TMEM132D: variants seen among roughly 807,000 people sequenced by gnomAD.
TMEM132D encodes transmembrane protein 132D, also known as mature OL transmembrane protein.
Under a neutral mutation model 62.3 loss-of-function variants are expected in TMEM132D, and 21 were observed. The observed-to-expected ratio is 0.34, with a 90% confidence interval of 0.24 to 0.49. TMEM132D has a LOEUF of 0.49. Among genes scored for constraint, TMEM132D ranks in the 20% least tolerant of loss-of-function variants. TMEM132D has a pLI of 0.99. For synonymous variants in TMEM132D, 621 were observed against 575.6 expected, an observed-to-expected ratio of 1.08 and a Z score of -1.13; for missense variants, 1,346 against 1,402.8, an observed-to-expected ratio of 0.96 and a Z score of 0.65.
At chr12:129,130,027 G>C (rs11612492) in intron 5 of TMEM132D, among the ~76,000 whole-genome samples, 5 of 110,846 alleles carry the variant, frequency 4.5e-5, no homozygotes, top group Non-Finnish European at 8.6e-5. Context: ...GTGTGTGTGT[G>C]TGTGTGTGTG....
chr12:129,665,693 T>TCACCTTTTTCTAC (rs1339232286), intron 2 of TMEM132D, among the ~76,000 whole-genome samples: 1 of 152,186 alleles, frequency 6.6e-6, no homozygotes, highest in African/African-American at 2.4e-5. Flanking sequence ...ACTTGCTATG[T>TCACCTTTTTCTAC]CACCTTTTTC....
chr12:129,520,346 A>G (rs532131464), intron 3 of TMEM132D, among the ~76,000 whole-genome samples: 9 of 152,312 alleles, frequency 5.9e-5, no homozygotes, highest in African/African-American at 2.2e-4. Flanking sequence ...CCTCCCAACT[A>G]TCTGTTCTAA....
chr12:129,429,754 GC>G (rs1872601807), intron 3 of TMEM132D, among the ~76,000 whole-genome samples: 1 of 124,830 alleles, frequency 8.0e-6, no homozygotes. Flanking sequence ...CCCACAACAG[GC>G]CCCGGTGTGT....
At chr12:129,336,447 G>C (rs990496266) in intron 4 of TMEM132D, among the ~76,000 whole-genome samples, 1 of 151,972 alleles carries the variant, frequency 6.6e-6, no homozygotes, top group Non-Finnish European at 1.5e-5. Context: ...ATGGTGGTGG[G>C]CACCTGTAAT....
At position 129,739,719 on chromosome 12, in the gene TMEM132D, C is replaced by G. The variant is rs188483450; in HGVS notation, c.80-39021G>C. Among the ~76,000 whole-genome samples the G allele has an allele frequency of 2.3e-3, 353 of 152,280 alleles. 1 individual carries two copies. The highest frequency in any genetic ancestry group is 7.2e-3 in the African/African-American group (301 of 41,560). On this transcript the variant is annotated intron_variant, in intron 1 of 8. Transcript: ENST00000422113. ...GTCCCCATGGACTGCACCAACTGGG[C>G]TTCCTCATCCTCTGGCTTCTGGCTG...
intron 4 of TMEM132D, among the ~76,000 whole-genome samples, chr12:129,302,110 CACTTTATTTTTTT>C (rs1257093524): frequency 1.3e-5 from 2 of 152,132 alleles, no homozygotes; most frequent in Non-Finnish European, 2.9e-5. Flanking sequence ...GCTTGTCTGC[CACTTTATTTTTTT>C]ATTTTATTTT....
intron 5 of TMEM132D, among the ~76,000 whole-genome samples, chr12:129,128,922 TG>T (rs1876293623): frequency 6.6e-6 from 1 of 152,126 alleles, no homozygotes; most frequent in South Asian, 2.1e-4. Flanking sequence ...GCAAAGGACA[TG>T]ATTTCATCGT....
chr12:129,234,943 C>A (rs939944346), intron 4 of TMEM132D, among the ~76,000 whole-genome samples: 10 of 152,042 alleles, frequency 6.6e-5, no homozygotes, highest in Non-Finnish European at 8.8e-5. Flanking sequence ...CAAAGAACCT[C>A]ATTAGATGTA....
intron 3 of TMEM132D, among the ~76,000 whole-genome samples, chr12:129,423,534 A>G (rs368003710): frequency 1.3e-5 from 2 of 152,162 alleles, no homozygotes; most frequent in East Asian, 3.9e-4. Flanking sequence ...ATGGAAAAGG[A>G]CACCATGATT....
At chr12:129,257,835 C>T (rs1880448034) in intron 4 of TMEM132D, among the ~76,000 whole-genome samples, 1 of 152,168 alleles carries the variant, frequency 6.6e-6, no homozygotes, top group African/African-American at 2.4e-5. Context: ...GGAGATAACT[C>T]TGAGAAAGGG....
chr12:129,800,755 C>T (rs937887855), intron 1 of TMEM132D, among the ~76,000 whole-genome samples: 2 of 152,234 alleles, frequency 1.3e-5, no homozygotes, highest in African/African-American at 2.4e-5. Flanking sequence ...CAGCTCCCAG[C>T]GAGAGCGACG....
intron 4 of TMEM132D, among the ~76,000 whole-genome samples, chr12:129,297,524 G>A (rs1025251461): frequency 1.2e-4 from 18 of 152,232 alleles, no homozygotes; most frequent in African/African-American, 4.1e-4. Flanking sequence ...GCAGGTCAAC[G>A]CCTCTGCCGT....
chr12:129,532,572 A>T (rs931557835), intron 2 of TMEM132D, among the ~76,000 whole-genome samples: 2 of 152,214 alleles, frequency 1.3e-5, no homozygotes, highest in African/African-American at 4.8e-5. Flanking sequence ...CAGGCTTGAG[A>T]CTGCCCTCCT....
chr12:129,270,541 A>C (rs1408093033), intron 4 of TMEM132D, among the ~76,000 whole-genome samples: 1 of 152,188 alleles, frequency 6.6e-6, no homozygotes, highest in East Asian at 1.9e-4. Context: ...AATCACGTCT[A>C]GACAAATCTC....
chr12:129,518,940 A>G (rs911015830), intron 3 of TMEM132D, among the ~76,000 whole-genome samples: 5 of 152,232 alleles, frequency 3.3e-5, no homozygotes, highest in African/African-American at 1.2e-4. Flanking sequence ...ACACACTGAC[A>G]TATCTCTTTT....
Position 129,319,510 on chromosome 12 carries a change from G to A in TMEM132D, c.1299+18124C>T, listed in dbSNP as rs80007525. Among the ~76,000 whole-genome samples, 1,429 of 152,218 alleles carry A rather than the reference G, an allele frequency of 9.4e-3. 32 individuals carry two copies. Among genetic ancestry groups the A allele is most frequent in the African/African-American group, 0.032 (1,344 of 41,510 alleles). ...TCCTTCAGAGGGTCTCATCACTTAT[G>A]TCCTTAAAGTGACTGTGAGTAATGT... On this transcript the variant is annotated intron_variant, in intron 4 of 8. Coordinates refer to ENST00000422113, the MANE Select transcript of TMEM132D (RefSeq NM_133448.3).
chr12:129,117,554 GA>G (rs1875932168), intron 5 of TMEM132D, among the ~76,000 whole-genome samples: 1 of 133,472 alleles, frequency 7.5e-6, no homozygotes, highest in Admixed American at 8.0e-5. Flanking sequence ...GCCCAATAAG[GA>G]AAGCATTATT....
chr12:129,197,617 A>G (rs1322904947), intron 5 of TMEM132D, among the ~76,000 whole-genome samples: 1 of 152,240 alleles, frequency 6.6e-6, no homozygotes, highest in African/African-American at 2.4e-5. Flanking sequence ...CTGGATCTTT[A>G]TCACACACCA....
intron 2 of TMEM132D, among the ~76,000 whole-genome samples, chr12:129,598,144 C>T (rs1345319190): frequency 3.9e-5 from 6 of 152,118 alleles, no homozygotes; most frequent in East Asian, 1.9e-4. Flanking sequence ...CACTATAAGC[C>T]GGATTTCCTG....
Sources: allele counts gnomAD v4.1 joint callset (sites outside exome capture counted in the v4.1 genomes callset), GRCh38; gene constraint gnomAD v4.1.1; transcripts MANE v1.5; gene names NCBI Gene and HGNC (gene_info 2026-07-23, HGNC 2026-07-21).